The following BRCA2 variants were observed in gnomAD, a reference collection of about 807,000 sequenced individuals.
The protein encoded by BRCA2 is BRCA2 DNA repair associated.
A neutral mutation model predicts 276.7 loss-of-function variants in BRCA2; 203 were observed. That is an observed-to-expected ratio of 0.73 (90% CI 0.65 to 0.82). BRCA2 has a LOEUF of 0.82. Among genes scored for constraint, BRCA2 ranks in the 40% least tolerant of loss-of-function variants. The pLI, the probability that BRCA2 is intolerant of heterozygous loss-of-function variation, is 0.00. For missense variants in BRCA2, 3,920 were observed against 3,915.0 expected, an observed-to-expected ratio of 1.00 and a Z score of -0.03; for synonymous variants, 1,289 against 1,338.4, an observed-to-expected ratio of 0.96 and a Z score of 0.81.
chr13:32,332,219 T>C (rs1218593350), intron 9 of BRCA2, 53 bp from the exon 10 acceptor site: 1 of 1,471,372 alleles, frequency 6.8e-7, no homozygotes, highest in Non-Finnish European at 9.3e-7. Flanking sequence ...GAGAATAATA[T>C]AAATTATATG....
chr13:32,377,503 T>A (rs951603647), intron 21 of BRCA2, among the ~76,000 whole-genome samples: 47 of 149,834 alleles, frequency 3.1e-4, no homozygotes, highest in African/African-American at 1.1e-3. Context: ...GGCAGGAGAA[T>A]CGCTTGAATC....
chr13:32,327,455 A>G (rs193011414), intron 7 of BRCA2, among the ~76,000 whole-genome samples: 11 of 152,106 alleles, frequency 7.2e-5, no homozygotes, highest in Non-Finnish European at 1.3e-4. Flanking sequence ...GAGGATCACG[A>G]GGTCAGGAGA....
intron 18 of BRCA2, among the ~76,000 whole-genome samples, chr13:32,367,622 C>T (rs1372589805): frequency 6.6e-6 from 1 of 151,896 alleles, no homozygotes; most frequent in Non-Finnish European, 1.5e-5. Flanking sequence ...TGACAAAACC[C>T]CATCTCTACA....
At chr13:32,377,942 A>C (rs11571763) in intron 21 of BRCA2, among the ~76,000 whole-genome samples, 1 of 152,238 alleles carries the variant, frequency 6.6e-6, no homozygotes, top group Non-Finnish European at 1.5e-5. Context: ...GCAGTGCTAT[A>C]CTGAGTAGAA....
chr13:32,359,116 G>A (rs2072721471), intron 16 of BRCA2, among the ~76,000 whole-genome samples: 1 of 151,320 alleles, frequency 6.6e-6, no homozygotes, highest in South Asian at 2.1e-4. Flanking sequence ...CACTTACTTG[G>A]GAGGCCGAGG....
In BRCA2 at chr13:32,339,958, A is replaced by G. The variant is rs1170821828; in HGVS notation, c.5603A>G (p.Asp1868Gly). Residue 1868 changes from aspartate (D) to glycine (G), a missense_variant, in exon 11 of 27, where the codon GAC (aspartate) becomes GGC (glycine). Transcript: ENST00000380152. ...AAAAAAGTGAAAGACATATTTACAG[A>G]CAGTTTCAGTAAAGTAATTAAGGAA... is the stretch of plus-strand genomic sequence containing the variant. Reference protein sequence around the residue: ...TIKKVKDIFTDSFSKVIKENN... With the variant: ...TIKKVKDIFTGSFSKVIKENN... 1 of 1,609,642 alleles carries G rather than the reference A, an allele frequency of 6.2e-7. No homozygotes were observed. Among genetic ancestry groups the G allele is most frequent in the Non-Finnish European group, 8.5e-7 (1 of 1,178,172 alleles).
At chr13:32,381,803 C>T (rs534957274) in intron 24 of BRCA2, among the ~76,000 whole-genome samples, 1 of 152,206 alleles carries the variant, frequency 6.6e-6, no homozygotes, top group South Asian at 2.1e-4. Context: ...CATTTGGAGG[C>T]TCTTTCAAGC....
In BRCA2 at chr13:32,357,720, T is replaced by C. The variant is rs750402304; in HGVS notation, c.7618-22T>C. The C allele has an allele frequency of 8.1e-6, 13 of 1,601,920 alleles. No homozygotes were observed. The highest frequency in any genetic ancestry group is 1.0e-5 in the Non-Finnish European group (12 of 1,171,644). ...TTTACTTTAAATTGTTTTTCTTTTT[T>C]GTGTGTGTTTATTTTGTGTAGCTGT... On this transcript the variant is annotated intron_variant, in intron 15 of 26. Coordinates refer to ENST00000380152, the MANE Select transcript of BRCA2 (RefSeq NM_000059.4).
At position 32,332,555 on chromosome 13, in the gene BRCA2, A is replaced by G. The variant is rs1135401832; in HGVS notation, c.1077A>G (p.Glu359=). 1 of 1,611,660 alleles carries G rather than the reference A, an allele frequency of 6.2e-7. No homozygotes were observed. Among genetic ancestry groups the G allele is most frequent in the South Asian group, 1.1e-5 (1 of 90,154 alleles). ...AATACTCATTTGTATCTGAAGTGGA[A>G]CCAAATGATACTGATCCATTAGATT... ...KEKYSFVSEV[E]PNDTDPLDSN... Residue 359 remains glutamate, a synonymous_variant, in exon 10 of 27, where the codon GAA becomes GAG. Coordinates refer to ENST00000380152, the MANE Select transcript of BRCA2 (RefSeq NM_000059.4).
intron 24 of BRCA2, among the ~76,000 whole-genome samples, chr13:32,387,437 G>A (rs1345336246): frequency 6.6e-6 from 1 of 152,144 alleles, no homozygotes; most frequent in African/African-American, 2.4e-5. Context: ...TGTCACGCCC[G>A]CATAAGGGCC....
rs876660312 is a variant in BRCA2 at position 32,370,510 on chromosome 13, A to G, written c.8440A>G (p.Asn2814Asp). Residue 2814 changes from asparagine (N) to aspartate (D), a missense_variant, in exon 19 of 27, where the codon AAT (asparagine) becomes GAT (aspartate). By Grantham distance (23) the Asn-to-Asp change is conservative. Coordinates refer to ENST00000380152, the MANE Select transcript of BRCA2 (RefSeq NM_000059.4). ...PLSSLFSDGGNVGCVDVIIQR... is the reference protein window; with the variant it reads ...PLSSLFSDGGDVGCVDVIIQR... ...ATCATCGCTTTTCAGTGATGGAGGA[A>G]ATGTTGGTTGTGTTGATGTAATTAT... 1 of 1,613,808 alleles carries G rather than the reference A, an allele frequency of 6.2e-7. No individual in the cohort carries two copies. The highest frequency in any genetic ancestry group is 1.3e-5 in the African/African-American group (1 of 74,908).
At chr13:32,316,855 C>A (rs750539971) in intron 2 of BRCA2, among the ~76,000 whole-genome samples, 1 of 152,146 alleles carries the variant, frequency 6.6e-6, no homozygotes, top group African/African-American at 2.4e-5. Context: ...TGATCTAGGA[C>A]CCCCGGAGTG....
At chr13:32,387,015 G>T in intron 24 of BRCA2, among the ~76,000 whole-genome samples, 1 of 146,808 alleles carries the variant, frequency 6.8e-6, no homozygotes, top group Non-Finnish European at 1.5e-5. Flanking sequence ...GCATTTTTTG[G>T]CATTCTTTGG....
At chr13:32,368,001 CTTTTTTTTTTTTTTTTTTTTT>C (rs71071031) in intron 18 of BRCA2, among the ~76,000 whole-genome samples, 2 of 50,728 alleles carry the variant, frequency 3.9e-5, no homozygotes, top group East Asian at 1.5e-3. Flanking sequence ...TCTTCTAATT[CTTTTTTTTTTTTTTTTTTTTT>C]TTTTTTTTTT....
In BRCA2 at chr13:32,398,243, G is replaced by A. The variant is rs11571831; in HGVS notation, c.9730G>A (p.Val3244Ile). 1.3e-3 allele frequency: 2,154 copies of A among 1,614,000 alleles called. 24 individuals are homozygous for A. The African/African-American group carries it at 0.025, about 19-fold the overall frequency. ...MAKRKSVSTPVSAQMTSKSCK... is the reference protein window; with the variant it reads ...MAKRKSVSTPISAQMTSKSCK... ...CAAAAGGAAGTCTGTTTCCACACCT[G>A]TCTCAGCCCAGATGACTTCAAAGTC... Residue 3244 changes from valine (V) to isoleucine (I), a missense_variant, in exon 27 of 27, where the codon GTC becomes ATC. This residue lies in a region of BRCA2 where 657 missense variants were observed against 758.2 expected (regional missense o/e 0.87). Coordinates refer to ENST00000380152, the MANE Select transcript of BRCA2 (RefSeq NM_000059.4).
At chr13:32,364,652 C>T (rs1211018124) in intron 18 of BRCA2, among the ~76,000 whole-genome samples, 2 of 152,204 alleles carry the variant, frequency 1.3e-5, no homozygotes, top group Non-Finnish European at 1.5e-5. Context: ...CAGCTTACTG[C>T]TTTCCATGAA....
In BRCA2 at chr13:32,338,577, CAGTT is replaced by C. The variant is rs2072499259; in HGVS notation, c.4224_4227del (p.Thr1410LeufsTer8). On this transcript the variant is annotated frameshift_variant, in exon 11 of 27. Coordinates refer to ENST00000380152, the MANE Select transcript of BRCA2 (RefSeq NM_000059.4). LOFTEE classifies it high-confidence loss of function. ...TCATGGTAATACTTCAAATAAAGAA[CAGTT>C]AACTGCTACTAAAACGGAGCAAAAT... 1 of 1,595,378 alleles carries C rather than the reference CAGTT, an allele frequency of 6.3e-7. No individual in the cohort carries two copies. Among genetic ancestry groups the C allele is most frequent in the Non-Finnish European group, 8.5e-7 (1 of 1,170,802 alleles).
intron 1 of BRCA2, among the ~76,000 whole-genome samples, chr13:32,315,998 T>C (rs1022428098): frequency 6.6e-6 from 1 of 152,212 alleles, no homozygotes; most frequent in African/African-American, 2.4e-5. Flanking sequence ...TAACGGAATA[T>C]TGCTGTTTTG....
intron 15 of BRCA2, among the ~76,000 whole-genome samples, chr13:32,356,915 G>A (rs1208636470): frequency 6.6e-6 from 1 of 152,180 alleles, no homozygotes; most frequent in Admixed American, 6.5e-5. Context: ...ATATTCAAAT[G>A]TGAATAACTG....
Sources: allele counts gnomAD v4.1 joint callset (sites outside exome capture counted in the v4.1 genomes callset), GRCh38; gene constraint gnomAD v4.1.1; regional missense constraint gnomAD v4.1.1; transcripts MANE v1.5; gene names NCBI Gene and HGNC (gene_info 2026-07-23, HGNC 2026-07-21).